Variants in NALCN observed in about 807,000 individuals in gnomAD.
The protein encoded by NALCN is sodium leak channel NALCN.
In NALCN, 111 loss-of-function variants were observed where a neutral mutation model predicts 225.3. The ratio of observed to expected loss-of-function variants is 0.49; its 90% CI spans 0.42 to 0.58. The LOEUF is 0.58. Among genes scored for constraint, NALCN ranks in the 20% least tolerant of loss-of-function variants. The pLI is 0.00. For missense variants in NALCN, 1,378 were observed against 2,202.4 expected (o/e 0.63, Z 7.49); for synonymous variants, 764 against 769.0 (o/e 0.99, Z 0.11).
chr13:101,080,597 T>C (rs1026234059), intron 34 of NALCN, among the ~76,000 whole-genome samples: 1 of 130,258 alleles, frequency 7.7e-6, no homozygotes, highest in African/African-American at 2.6e-5. Context: ...AAATAATTAT[T>C]AAATTAATTA....
intron 18 of NALCN, among the ~76,000 whole-genome samples, chr13:101,123,780 C>T (rs1432801747): frequency 6.6e-6 from 1 of 152,160 alleles, no homozygotes; most frequent in East Asian, 1.9e-4. Context: ...TATTTTCTCA[C>T]ACAGTCTTCC....
At chr13:101,389,624 T>C (rs1472355719) in intron 3 of NALCN, among the ~76,000 whole-genome samples, 1 of 152,162 alleles carries the variant, frequency 6.6e-6, no homozygotes, top group African/African-American at 2.4e-5. Flanking sequence ...TGTTTACCCA[T>C]CAGGATAACA....
At chr13:101,377,625 G>A (rs2139423184) in intron 4 of NALCN, among the ~76,000 whole-genome samples, 1 of 152,172 alleles carries the variant, frequency 6.6e-6, no homozygotes, top group South Asian at 2.1e-4. Context: ...AATATGAAAG[G>A]AAAGCTTATC....
Position 101,060,260 on chromosome 13 carries a change from T to C in NALCN, c.4756-293A>G, listed in dbSNP as rs596416. Reference sequence around the variant, plus strand: ...TTTTATTTATTTGTTTTTCTTTTTGTTGTTGGTGTTTTCTGTTTTTTTTTT... The same window carrying C: ...TTTTATTTATTTGTTTTTCTTTTTGCTGTTGGTGTTTTCTGTTTTTTTTTT... On this transcript the variant is annotated intron_variant, in intron 41 of 43. Transcript: ENST00000251127. Among the ~76,000 whole-genome samples the C allele has an allele frequency of 6.2e-5, 9 of 144,940 alleles. 1 individual carries two copies. In the East Asian group the frequency reaches 1.2e-3, roughly 20 times the overall value.
rs753635783 is a variant in NALCN at position 101,073,641 on chromosome 13, G to A, written c.4140C>T (p.Thr1380=). The change falls in exon 37 of 44, where the codon ACC becomes ACT. Residue 1380 remains threonine (T), a synonymous_variant. Coordinates refer to ENST00000251127, the MANE Select transcript of NALCN (RefSeq NM_052867.4). ...ANFSSAGKAI[T]VLFRIVTGED... ...CACCTGTGACAATTCGGAACAGTAC[G>A]GTAATAGCTTTTCCAGCCGAAGAAA... 9 of 1,613,136 alleles carry A rather than the reference G, an allele frequency of 5.6e-6. No homozygotes were observed. The highest frequency in any genetic ancestry group is 4.5e-5 in the East Asian group (2 of 44,838).
chr13:101,378,768 T>C (rs576936709), intron 3 of NALCN, 115 bp from the exon 4 acceptor site: 2 of 751,624 alleles, frequency 2.7e-6, no homozygotes, highest in Non-Finnish European at 4.2e-6. Context: ...TTTTGTATCA[T>C]AATAGAACAG....
intron 15 of NALCN, among the ~76,000 whole-genome samples, chr13:101,174,369 A>G (rs977335638): frequency 2.0e-5 from 3 of 152,196 alleles, no homozygotes; most frequent in African/African-American, 7.2e-5. Flanking sequence ...CTTCACTAAT[A>G]TCTAGCAAGT....
intron 11 of NALCN, among the ~76,000 whole-genome samples, chr13:101,257,721 T>A (rs573931096): frequency 1.3e-5 from 2 of 152,294 alleles, no homozygotes; most frequent in Non-Finnish European, 2.9e-5. Context: ...TGTAAATATG[T>A]AACCATTGAA....
intron 12 of NALCN, 52 bp downstream of exon 12, chr13:101,237,703 T>C: frequency 7.9e-7 from 1 of 1,272,430 alleles, no homozygotes; most frequent in Non-Finnish European, 1.1e-6. Context: ...GACAGGTATT[T>C]ACTCTGGAAA....
chr13:101,368,495 A>T (rs1035655664), intron 6 of NALCN: 3 of 152,128 alleles, frequency 2.0e-5, no homozygotes, highest in African/African-American at 7.2e-5. Context: ...GCAGCAAAAA[A>T]AGTCATAGTT....
chr13:101,173,552 A>T (rs2139926309), intron 15 of NALCN, among the ~76,000 whole-genome samples: 1 of 152,250 alleles, frequency 6.6e-6, no homozygotes, highest in Middle Eastern at 3.4e-3. Flanking sequence ...AAATAAGTGA[A>T]AACATAAAAC....
At chr13:101,310,601 G>A (rs1460882116) in intron 7 of NALCN, among the ~76,000 whole-genome samples, 3 of 151,886 alleles carry the variant, frequency 2.0e-5, no homozygotes, top group Non-Finnish European at 4.4e-5. Flanking sequence ...TTATTACTAC[G>A]TAGCATGCTA....
intron 3 of NALCN, among the ~76,000 whole-genome samples, chr13:101,385,361 A>G (rs1345422398): frequency 2.6e-5 from 4 of 152,044 alleles, no homozygotes; most frequent in Non-Finnish European, 4.4e-5. Flanking sequence ...GATATCCCCA[A>G]GCAGACAGTT....
chr13:101,184,527 AT>A (rs977886891), intron 14 of NALCN, among the ~76,000 whole-genome samples: 10 of 151,908 alleles, frequency 6.6e-5, no homozygotes, highest in African/African-American at 1.5e-4. Context: ...AGATATATTT[AT>A]TTTTTTTCTA....
chr13:101,058,133 C>T, intron 42 of NALCN, 77 bp from the exon 43 acceptor site: 3 of 1,263,312 alleles, frequency 2.4e-6, no homozygotes, highest in Non-Finnish European at 2.2e-6. Context: ...GAAAGGAAAA[C>T]ACATGGCAGG....
intron 3 of NALCN, among the ~76,000 whole-genome samples, chr13:101,393,028 T>C (rs1460684210): frequency 3.3e-5 from 5 of 152,192 alleles, no homozygotes; most frequent in African/African-American, 9.7e-5. Flanking sequence ...AGAAAGTTTG[T>C]CCATGATTTG....
At chr13:101,393,625 T>G (rs550459268) in intron 3 of NALCN, among the ~76,000 whole-genome samples, 1 of 152,222 alleles carries the variant, frequency 6.6e-6, no homozygotes, top group East Asian at 1.9e-4. Flanking sequence ...AAGACCAACA[T>G]GGAGAAGCCC....
At chr13:101,120,864 C>T (rs937171669) in intron 18 of NALCN, among the ~76,000 whole-genome samples, 5 of 152,180 alleles carry the variant, frequency 3.3e-5, no homozygotes, top group African/African-American at 1.2e-4. Flanking sequence ...TATTACTTGT[C>T]CATACCAGGC....
At chr13:101,113,068 G>A (rs552428362) in intron 18 of NALCN, among the ~76,000 whole-genome samples, 60 of 152,306 alleles carry the variant, frequency 3.9e-4, no homozygotes, top group African/African-American at 1.4e-3. Context: ...TTCACTGAAT[G>A]TAAATGTATT....
Sources: gnomAD v4.1 joint callset for allele counts (sites outside exome capture counted in the v4.1 genomes callset) on GRCh38, gnomAD v4.1.1 for gene constraint, MANE v1.5 for transcripts, NCBI Gene and HGNC (gene_info 2026-07-23, HGNC 2026-07-21) for gene names.